Variants in NLRC5 observed in about 807,000 individuals in gnomAD.
NLRC5 encodes the protein NLR family CARD domain containing 5, also known as protein NLRC5.
In NLRC5, 114 loss-of-function variants were observed where a neutral mutation model predicts 206.9. The ratio of observed to expected loss-of-function variants is 0.55; its 90% confidence interval spans 0.47 to 0.64. The LOEUF (loss-of-function observed/expected upper bound fraction) is 0.64. NLRC5 is among the 30% of genes least tolerant of loss of function. The probability of loss-of-function intolerance (pLI) is 0.00; values close to 1 mark genes in which losing one functional copy is unlikely to be tolerated. For missense variants in NLRC5, 2,008 were observed against 2,305.5 expected (o/e 0.87, Z 2.64); for synonymous variants, 952 against 962.8 (o/e 0.99, Z 0.21).
chr16:56,992,674 A>G (rs1347410341), intron 1 of NLRC5, among the ~76,000 whole-genome samples: 1 of 151,664 alleles, frequency 6.6e-6, no homozygotes, highest in South Asian at 2.1e-4. Context: ...ACAGGATTTC[A>G]CCATGTTGGC....
At chr16:57,042,175 T>A (rs1433188332) in intron 19 of NLRC5, 110 bp downstream of exon 19, 6 of 643,898 alleles carry the variant, frequency 9.3e-6, no homozygotes, top group Non-Finnish European at 1.5e-5. Flanking sequence ...GGAAAATGCA[T>A]GAAAATTGCC....
intron 3 of NLRC5, 31 bp downstream of exon 3, chr16:57,021,038 C>A: frequency 6.2e-7 from 1 of 1,602,748 alleles, no homozygotes; most frequent in Non-Finnish European, 8.5e-7. Flanking sequence ...CGCAAAGCAG[C>A]CGGGCCAGTA....
chr16:57,056,886 T>G (rs2065744388), intron 27 of NLRC5, among the ~76,000 whole-genome samples: 1 of 152,022 alleles, frequency 6.6e-6, no homozygotes, highest in Admixed American at 6.6e-5. Flanking sequence ...CTTGAACTCC[T>G]GACCTCAGGC....
At chr16:57,073,430 G>C (rs2068010970) in intron 38 of NLRC5, among the ~76,000 whole-genome samples, 1 of 152,130 alleles carries the variant, frequency 6.6e-6, no homozygotes, top group African/African-American at 2.4e-5. Context: ...ATGGACCCTA[G>C]TTAGGAGCCT....
intron 1 of NLRC5, among the ~76,000 whole-genome samples, chr16:56,993,680 A>G (rs2057237942): frequency 6.6e-6 from 1 of 152,198 alleles, no homozygotes; most frequent in Admixed American, 6.6e-5. Flanking sequence ...GAGTTTGAAC[A>G]TCTTTTCAAA....
At chr16:57,063,555 T>C (rs997199684) in intron 32 of NLRC5, among the ~76,000 whole-genome samples, 2 of 152,200 alleles carry the variant, frequency 1.3e-5, no homozygotes, top group Non-Finnish European at 2.9e-5. Flanking sequence ...TTAAATATTA[T>C]TTTATTTCAA....
intron 23 of NLRC5, among the ~76,000 whole-genome samples, chr16:57,048,667 G>A (rs1431059239): frequency 3.9e-5 from 6 of 152,108 alleles, no homozygotes; most frequent in Non-Finnish European, 8.8e-5. Context: ...CTGAGTAGCT[G>A]GGATTACAGG....
At chr16:57,047,794 G>A (rs778141029) in intron 23 of NLRC5, 166 bp downstream of exon 23, 22 of 641,272 alleles carry the variant, frequency 3.4e-5, no homozygotes, top group East Asian at 5.5e-5. Flanking sequence ...GCTGTCTCTC[G>A]GCAGCCCCCA....
At chr16:57,055,312 G>A (rs1215421857) in intron 26 of NLRC5, 121 bp from the exon 27 acceptor site, 5 of 986,792 alleles carry the variant, frequency 5.1e-6, no homozygotes, top group Non-Finnish European at 7.8e-6. Flanking sequence ...CTTCCAGAGG[G>A]TCCAAGCTTG....
chr16:57,021,979 A>G (rs1433468539), intron 3 of NLRC5, among the ~76,000 whole-genome samples: 1 of 152,240 alleles, frequency 6.6e-6, no homozygotes, highest in Non-Finnish European at 1.5e-5. Flanking sequence ...CCATGTACAC[A>G]TGCATGCAAG....
rs2061288621 is a variant in NLRC5 at position 57,026,542 on chromosome 16, C to G, written c.1599C>G (p.Asn533Lys). ...ALHLMASPKVNKDTLTQYVTL... is the reference protein window; with the variant it reads ...ALHLMASPKVKKDTLTQYVTL... ...ACCTGATGGCCAGCCCCAAGGTGAA[C>G]AAAGACACACTTACCCAGTATGTTA... The change falls in exon 6 of 49, where the codon AAC becomes AAG. Residue 533 changes from asparagine (N) to lysine (K), a missense_variant. Transcript: ENST00000688547. 1 of 1,614,086 alleles carries G rather than the reference C, an allele frequency of 6.2e-7. No individual in the cohort carries two copies. The highest frequency in any genetic ancestry group is 8.5e-7 in the Non-Finnish European group (1 of 1,180,046).
intron 1 of NLRC5, among the ~76,000 whole-genome samples, chr16:56,995,989 C>G (rs1490643727): frequency 6.6e-6 from 1 of 152,108 alleles, no homozygotes; most frequent in African/African-American, 2.4e-5. Flanking sequence ...AGTTCTTTTT[C>G]ATTCTTCCAG....
In NLRC5 at chr16:57,036,085, G is replaced by C; in HGVS notation, c.2628-15G>C. Reference sequence around the variant, plus strand: ...TCCAGCCCCACAATACAGTGCATTGGGCCCCCCGTCTCAGCCTCTCAGGGA... The same window carrying C: ...TCCAGCCCCACAATACAGTGCATTGCGCCCCCCGTCTCAGCCTCTCAGGGA... On this transcript the variant is annotated splice_polypyrimidine_tract_variant and intron_variant, in intron 13 of 48. Transcript: ENST00000688547. 6.4e-7 allele frequency: 1 copy of C among 1,571,212 alleles called. No individual in the cohort carries two copies. The highest frequency in any genetic ancestry group is 8.6e-7 in the Non-Finnish European group (1 of 1,163,508).
At chr16:57,001,103 G>T (rs185208187) in intron 1 of NLRC5, among the ~76,000 whole-genome samples, 7 of 152,166 alleles carry the variant, frequency 4.6e-5, no homozygotes, top group African/African-American at 1.7e-4. Context: ...AGGCAGAGGC[G>T]CTGGGTTCTC....
intron 1 of NLRC5, among the ~76,000 whole-genome samples, chr16:57,007,662 G>A (rs1266604452): frequency 6.6e-6 from 1 of 152,174 alleles, no homozygotes; most frequent in East Asian, 1.9e-4. Flanking sequence ...TGGGGAGGTG[G>A]AAGTTGCAGT....
intron 15 of NLRC5, among the ~76,000 whole-genome samples, chr16:57,038,804 G>A (rs750622746): frequency 3.3e-5 from 5 of 151,764 alleles, no homozygotes; most frequent in East Asian, 1.9e-4. Context: ...GCATGGTGGC[G>A]TGCACCTGTA....
In NLRC5 at chr16:57,025,630, G is replaced by A. The variant is rs773155506; in HGVS notation, c.687G>A (p.Lys229=). 2 of 1,614,080 alleles carry A rather than the reference G, an allele frequency of 1.2e-6. No individual in the cohort carries two copies. Among genetic ancestry groups the A allele is most frequent in the East Asian group, 2.2e-5 (1 of 44,890 alleles). ...KGPRVTVLLG[K]AGMGKTTLAH... is the part of the protein sequence containing the mutation. Reference sequence around the variant, plus strand: ...CGAGGGTGACCGTGCTTTTGGGGAAGGCTGGCATGGGCAAGACCACGCTGG... The same window carrying A: ...CGAGGGTGACCGTGCTTTTGGGGAAAGCTGGCATGGGCAAGACCACGCTGG... The change falls in exon 6 of 49, where the codon AAG becomes AAA. Residue 229 remains lysine (K), a synonymous_variant. Transcript: ENST00000688547.
At chr16:57,076,599 C>T (rs1567646931) in intron 39 of NLRC5, among the ~76,000 whole-genome samples, 1 of 152,260 alleles carries the variant, frequency 6.6e-6, no homozygotes, top group Non-Finnish European at 1.5e-5. Flanking sequence ...TGGCCAGTCA[C>T]AGCTCACTGC....
intron 20 of NLRC5, 76 bp downstream of exon 20, chr16:57,043,680 T>C (rs2063567727): frequency 8.7e-7 from 1 of 1,150,670 alleles, no homozygotes. Context: ...GTGGGCCCCT[T>C]GTCCACCAGT....
Sources: allele counts gnomAD v4.1 joint callset (sites outside exome capture counted in the v4.1 genomes callset), GRCh38; gene constraint gnomAD v4.1.1; transcripts MANE v1.5; gene names NCBI Gene and HGNC (gene_info 2026-07-23, HGNC 2026-07-21).